Variants in PAK1 observed in about 807,000 individuals in gnomAD.
The protein encoded by PAK1 is serine/threonine-protein kinase PAK 1.
PAK1 carries 29 observed loss-of-function variants against 67.4 expected under a neutral mutation model. That is an observed-to-expected ratio of 0.43 (90% CI 0.32 to 0.59). The LOEUF is 0.59. Among genes scored for constraint, PAK1 ranks in the 20% least tolerant of loss-of-function variants. PAK1 has a pLI of 0.07. For missense variants in PAK1, 337 were observed against 670.7 expected, an observed-to-expected ratio of 0.50 and a Z score of 5.50; for synonymous variants, 223 against 237.4, an observed-to-expected ratio of 0.94 and a Z score of 0.56.
At chr11:77,449,828 T>A (rs1246946164) in intron 1 of PAK1, among the ~76,000 whole-genome samples, 1 of 152,166 alleles carries the variant, frequency 6.6e-6, no homozygotes, top group African/African-American at 2.4e-5. Flanking sequence ...TATTACATAT[T>A]CAATTTTTTA....
chr11:77,324,166 C>G (rs1365550902), intron 14 of PAK1, among the ~76,000 whole-genome samples: 2 of 139,204 alleles, frequency 1.4e-5, no homozygotes, highest in South Asian at 2.3e-4. Context: ...TTACAGAAAG[C>G]AATTCCTTTT....
chr11:77,460,158 A>AG (rs1412828269), intron 1 of PAK1, among the ~76,000 whole-genome samples: 2 of 132,462 alleles, frequency 1.5e-5, no homozygotes, highest in African/African-American at 2.8e-5. Flanking sequence ...TCTGTAGAAT[A>AG]GAAAAAAAAA....
the PAK1 span, among the ~76,000 whole-genome samples, chr11:77,496,912 A>G: frequency 6.6e-6 from 1 of 152,242 alleles, no homozygotes; most frequent in East Asian, 1.9e-4. Context: ...CAGCCTGGGC[A>G]ACAGACTATG....
intron 9 of PAK1, among the ~76,000 whole-genome samples, chr11:77,345,421 T>G (rs577220213): frequency 3.3e-5 from 5 of 152,324 alleles, no homozygotes; most frequent in African/African-American, 1.2e-4. Flanking sequence ...TCTAGAGATA[T>G]TTTTCCTTTT....
chr11:77,336,684 A>G (rs1942743550), intron 12 of PAK1, among the ~76,000 whole-genome samples: 1 of 152,028 alleles, frequency 6.6e-6, no homozygotes, highest in South Asian at 2.1e-4. Flanking sequence ...TTTAAACCCC[A>G]ATCACCTATG....
chr11:77,358,321 G>A (rs1946319833), intron 6 of PAK1, among the ~76,000 whole-genome samples: 2 of 148,570 alleles, frequency 1.3e-5, no homozygotes, highest in African/African-American at 5.0e-5. Context: ...ATGTTTCAAA[G>A]CAAGGTTAGA....
chr11:77,485,009 T>C, the PAK1 span, among the ~76,000 whole-genome samples: 2 of 152,146 alleles, frequency 1.3e-5, no homozygotes, highest in Non-Finnish European at 2.9e-5. Flanking sequence ...TACTGTCAGA[T>C]CTTGTGAGAC....
intron 8 of PAK1, among the ~76,000 whole-genome samples, chr11:77,351,317 A>C (rs1333465434): frequency 6.6e-6 from 1 of 152,062 alleles, no homozygotes; most frequent in Non-Finnish European, 1.5e-5. Flanking sequence ...TAAAAAAAAA[A>C]AAAAAGTCAC....
At chr11:77,498,084 G>A in the PAK1 span, among the ~76,000 whole-genome samples, 1 of 151,838 alleles carries the variant, frequency 6.6e-6, no homozygotes, top group African/African-American at 2.4e-5. Context: ...GTGGTATTCT[G>A]GAAACGTAGA....
chr11:77,472,623 G>T (rs945895016), intron 1 of PAK1, among the ~76,000 whole-genome samples: 3 of 152,156 alleles, frequency 2.0e-5, no homozygotes, highest in African/African-American at 7.2e-5. Context: ...GAGAGATGAG[G>T]TATCTGTACT....
Position 77,325,299 on chromosome 11 carries a change from C to T in PAK1, c.1552-1939G>A, listed in dbSNP as rs373373942. ...AGAGCATACACACTTGAGAGCCAAA[C>T]AGGCTGAAATCCTGGATCTGCTACT... is the stretch of plus-strand genomic sequence containing the variant. On this transcript the variant is annotated intron_variant, in intron 14 of 14. Transcript: ENST00000356341. The T allele has an allele frequency of 3.0e-4, 489 of 1,613,580 alleles. 2 individuals carry two copies. The South Asian group carries it at 5.2e-3, about 17-fold the overall frequency.
At chr11:77,501,709 T>C in the PAK1 span, among the ~76,000 whole-genome samples, 1 of 152,124 alleles carries the variant, frequency 6.6e-6, no homozygotes, top group Non-Finnish European at 1.5e-5. Context: ...TGCCACCCCA[T>C]GTGAAGGCCT....
intron 1 of PAK1, among the ~76,000 whole-genome samples, chr11:77,436,868 A>G (rs1956150827): frequency 6.6e-6 from 1 of 152,218 alleles, no homozygotes; most frequent in Non-Finnish European, 1.5e-5. Flanking sequence ...TTCTTAGTAT[A>G]GCTGGAAGCA....
At position 77,402,599 on chromosome 11, in the gene PAK1, C is replaced by T. The variant is rs183793493; in HGVS notation, c.-21-10058G>A. 2.3e-4 allele frequency among the ~76,000 whole-genome samples: 35 copies of T among 152,166 alleles called. No individual in the cohort carries two copies. In the East Asian group the frequency reaches 6.8e-3, roughly 29 times the overall value. On this transcript the variant is annotated intron_variant, in intron 1 of 14. Transcript: ENST00000356341. ...CTGTAAGGCCTCATAAAGTTGAGGC[C>T]CTTACAATCGGAGAGCTGGAAGGAA...
chr11:77,489,333 A>G, the PAK1 span, among the ~76,000 whole-genome samples: 1 of 152,186 alleles, frequency 6.6e-6, no homozygotes. Context: ...TTGAAAGAAA[A>G]GGATGTTAAT....
chr11:77,426,471 G>A (rs945519843), intron 1 of PAK1, among the ~76,000 whole-genome samples: 31 of 152,062 alleles, frequency 2.0e-4, no homozygotes, highest in Non-Finnish European at 3.5e-4. Context: ...TCATTTTACA[G>A]GTAAGAAAAT....
At chr11:77,329,491 A>G (rs561896805) in intron 14 of PAK1, among the ~76,000 whole-genome samples, 17 of 152,268 alleles carry the variant, frequency 1.1e-4, no homozygotes, top group Non-Finnish European at 2.4e-4. Context: ...ACGCAAATCA[A>G]TAAATGTAAT....
upstream of PAK1, among the ~76,000 whole-genome samples, chr11:77,478,912 TA>T (rs1221027229): frequency 1.8e-5 from 2 of 112,460 alleles, no homozygotes; most frequent in African/African-American, 6.6e-5. Context: ...CCGTCTCCAC[TA>T]AAAATACAAA....
At chr11:77,478,803 G>T (rs748890752), upstream of PAK1, among the ~76,000 whole-genome samples, 42 of 151,218 alleles carry the variant, frequency 2.8e-4, no homozygotes, top group Non-Finnish European at 4.4e-5. Flanking sequence ...TAGGCCAGGC[G>T]CAGTGGCTCA....
Sources: gnomAD v4.1 joint callset for allele counts (sites outside exome capture counted in the v4.1 genomes callset) on GRCh38, gnomAD v4.1.1 for gene constraint, MANE v1.5 for transcripts, NCBI Gene and HGNC (gene_info 2026-07-23, HGNC 2026-07-21) for gene names.